CUX1: variants seen among roughly 807,000 people sequenced by gnomAD.
CUX1 encodes cut like homeobox 1.
CUX1 carries 31 observed loss-of-function variants against 158.8 expected under a neutral mutation model. The observed-to-expected ratio is 0.20, with a 90% CI of 0.15 to 0.26. The LOEUF (loss-of-function observed/expected upper bound fraction) is 0.26, where lower values mean the gene tolerates loss of function less well. CUX1 is among the 10% of genes least tolerant of loss of function. CUX1 has a pLI of 1.00. For synonymous variants in CUX1, 879 were observed against 862.1 expected (o/e 1.02, Z -0.34); for missense variants, 1,589 against 2,014.6 (o/e 0.79, Z 4.04).
At chr7:102,197,434 T>C in intron 15 of CUX1, 129 bp downstream of exon 15, 2 of 1,169,572 alleles carry the variant, frequency 1.7e-6, no homozygotes, top group Non-Finnish European at 2.4e-6. Context: ...AAAGTTCTCT[T>C]TGCTTCTGCC....
chr7:101,912,269 G>A (rs1027446268), intron 1 of CUX1, among the ~76,000 whole-genome samples: 3 of 118,414 alleles, frequency 2.5e-5, no homozygotes, highest in Non-Finnish European at 4.9e-5. Context: ...ATCTCCATAC[G>A]CCCTGAGACT....
intron 11 of CUX1, among the ~76,000 whole-genome samples, chr7:102,188,045 A>G (rs1563373831): frequency 6.6e-6 from 1 of 151,778 alleles, no homozygotes; most frequent in East Asian, 2.0e-4. Flanking sequence ...CCCCTCTCTT[A>G]AAAAATAACC....
chr7:101,940,193 T>C (rs1807532197), intron 2 of CUX1, among the ~76,000 whole-genome samples: 1 of 151,510 alleles, frequency 6.6e-6, no homozygotes, highest in African/African-American at 2.4e-5. Flanking sequence ...TGAGCTCTGA[T>C]TGCACCACTG....
intron 3 of CUX1, among the ~76,000 whole-genome samples, chr7:102,037,981 G>C (rs1821643155): frequency 1.3e-5 from 2 of 151,840 alleles, no homozygotes; most frequent in Non-Finnish European, 2.9e-5. Flanking sequence ...CTTGAACCTG[G>C]GAGGTGGAGG....
intron 3 of CUX1, among the ~76,000 whole-genome samples, chr7:102,055,881 C>T (rs1356908916): frequency 1.3e-5 from 2 of 152,172 alleles, no homozygotes; most frequent in Non-Finnish European, 2.9e-5. Flanking sequence ...AAAAGTGCTG[C>T]TCCAGTGAAC....
At chr7:102,207,073 G>A (rs1554521713) in intron 20 of CUX1, among the ~76,000 whole-genome samples, 1 of 152,178 alleles carries the variant, frequency 6.6e-6, no homozygotes, top group Admixed American at 6.5e-5. Flanking sequence ...TTGTACAACA[G>A]TCACATTTCA....
chr7:101,929,541 T>C (rs1257198241), intron 2 of CUX1, among the ~76,000 whole-genome samples: 3 of 152,212 alleles, frequency 2.0e-5, no homozygotes, highest in Non-Finnish European at 4.4e-5. Context: ...CAAACAACTT[T>C]GTTGAGCATG....
rs1344541996 is a variant in CUX1 at position 102,278,081 on chromosome 7, T to TG, written c.1680+18dup. ...CCCTGGCCGGGTGAGGGCCCTCCCCTGGCCTCAGCTCCAGGTGGACCAGGC... is the reference window on the plus strand; with the variant it reads ...CCCTGGCCGGGTGAGGGCCCTCCCCTGGGCCTCAGCTCCAGGTGGACCAGGC... On this transcript the variant is annotated intron_variant, in intron 18 of 22. Coordinates refer to the CUX1 transcript ENST00000292538. 3 of 1,557,470 alleles carry TG rather than the reference T, an allele frequency of 1.9e-6. No individual in the cohort carries two copies. The East Asian group carries it at 6.8e-5, about 35-fold the overall frequency.
intron 11 of CUX1, among the ~76,000 whole-genome samples, chr7:102,185,427 T>G (rs1404378711): frequency 6.6e-6 from 1 of 151,950 alleles, no homozygotes; most frequent in Non-Finnish European, 1.5e-5. Context: ...GATTGGTTGA[T>G]TTATTTATGT....
At chr7:102,179,239 G>A (rs1405828050) in intron 11 of CUX1, among the ~76,000 whole-genome samples, 2 of 152,128 alleles carry the variant, frequency 1.3e-5, no homozygotes, top group Non-Finnish European at 2.9e-5. Flanking sequence ...GTAGAGATGG[G>A]GTTTCGCCAC....
intron 21 of CUX1, among the ~76,000 whole-genome samples, chr7:102,230,938 G>A (rs1458892005): frequency 3.3e-5 from 5 of 151,886 alleles, no homozygotes; most frequent in African/African-American, 1.2e-4. Context: ...ATAGCTTACT[G>A]CAGCCTTGAA....
At position 101,895,890 on chromosome 7, in the gene CUX1, A is replaced by AG. The variant is rs201969207; in HGVS notation, c.31-20224dup. Among the ~76,000 whole-genome samples the AG allele has an allele frequency of 1.3e-3, 174 of 129,490 alleles. 1 individual carries two copies. Among genetic ancestry groups the AG allele is most frequent in the Non-Finnish European group, 2.2e-3 (143 of 64,472 alleles). 85.0% of individuals were successfully genotyped at this position (129,490 alleles called of 152,430 possible). ...CCACGTTTCCTTGTATCACCTGTAA[A>AG]GTTTTTTTTTTGTTTTTGTTTTTTT... On this transcript the variant is annotated intron_variant, in intron 1 of 23. Transcript: ENST00000292535.
chr7:101,924,010 T>C (rs1187047521), intron 2 of CUX1, among the ~76,000 whole-genome samples: 1 of 152,212 alleles, frequency 6.6e-6, no homozygotes, highest in Non-Finnish European at 1.5e-5. Flanking sequence ...AGGAATCTTT[T>C]ACCATCGTTG....
In CUX1 at chr7:101,869,212, A is replaced by G. The variant is rs905049344; in HGVS notation, c.31-46903A>G. ...CCAGGATGAGCCCCATGTGCGCGTGACCTGTGGCAGAGGGGCTGTGTCAGA... is the reference window on the plus strand; with the variant it reads ...CCAGGATGAGCCCCATGTGCGCGTGGCCTGTGGCAGAGGGGCTGTGTCAGA... On this transcript the variant is annotated intron_variant, in intron 1 of 23. Coordinates refer to ENST00000292535, the MANE Select transcript of CUX1 (RefSeq NM_181552.4). The surrounding 1 kb of genome is among the most constrained non-coding windows in gnomAD (Gnocchi z 4.5). Among the ~76,000 whole-genome samples, 1 of 151,978 alleles carries G rather than the reference A, an allele frequency of 6.6e-6. No homozygotes were observed. Among genetic ancestry groups the G allele is most frequent in the African/African-American group, 2.4e-5 (1 of 41,368 alleles).
At chr7:101,901,994 C>T (rs368803580) in intron 1 of CUX1, among the ~76,000 whole-genome samples, 6 of 152,176 alleles carry the variant, frequency 3.9e-5, no homozygotes, top group Admixed American at 6.5e-5. Flanking sequence ...TTTTTACCAG[C>T]GCAGATGAGA....
At chr7:102,171,186 C>T (rs1346416606) in intron 10 of CUX1, among the ~76,000 whole-genome samples, 1 of 152,070 alleles carries the variant, frequency 6.6e-6, no homozygotes. Context: ...CAAGGAACAG[C>T]GTAGGAGCTA....
intron 20 of CUX1, among the ~76,000 whole-genome samples, chr7:102,205,830 C>T (rs1438323183): frequency 6.6e-6 from 1 of 152,138 alleles, no homozygotes; most frequent in Non-Finnish European, 1.5e-5. Context: ...GGTGCCTGGA[C>T]ACAGCCCACC....
chr7:101,828,895 G>A lies in CUX1; in HGVS notation c.30+11226G>A, dbSNP rs1263784389. Among the ~76,000 whole-genome samples, 5 of 152,016 alleles carry A rather than the reference G, an allele frequency of 3.3e-5. No homozygotes were observed. The East Asian group carries it at 9.7e-4, about 30-fold the overall frequency. Reference sequence around the variant, plus strand: ...TGGGCTTAGCATCTGCAGGGACAGGGTGGAGGGAGAGGAGCCACCCCAGGC... The same window carrying A: ...TGGGCTTAGCATCTGCAGGGACAGGATGGAGGGAGAGGAGCCACCCCAGGC... On this transcript the variant is annotated intron_variant, in intron 1 of 23. Transcript: ENST00000292535.
chr7:102,257,045 C>T lies in CUX1; in HGVS notation c.*8003C>T, dbSNP rs114289472. The T allele has an allele frequency of 1.3e-3, 1,239 of 985,352 alleles. 15 individuals carry two copies. In the African/African-American group the frequency reaches 0.02, roughly 16 times the overall value. 61.0% of individuals were successfully genotyped at this position (985,352 alleles called of 1,614,324 possible). On this transcript the variant is annotated 3_prime_UTR_variant, in exon 24 of 24. Transcript: ENST00000292535. ...TGGGTGTGGAGATTGCTTGCTGTGG[C>T]CCCAAGCTCAGCCAGCAGGACACCC...
Sources: allele counts gnomAD v4.1 joint callset (sites outside exome capture counted in the v4.1 genomes callset), GRCh38; gene constraint gnomAD v4.1.1; non-coding constraint Gnocchi (gnomAD v3.1); transcripts MANE v1.5; gene names NCBI Gene and HGNC (gene_info 2026-07-23, HGNC 2026-07-21).